DNAH5: variants seen among roughly 807,000 people sequenced by gnomAD.
DNAH5 encodes the protein dynein axonemal heavy chain 5.
In DNAH5, 372 loss-of-function variants were observed where a neutral mutation model predicts 518.2. The ratio of observed to expected loss-of-function variants is 0.72; its 90% CI spans 0.66 to 0.78. DNAH5 has a LOEUF of 0.78. DNAH5 is among the 30% of genes least tolerant of loss of function. The pLI is 0.00. For synonymous variants in DNAH5, 2,039 were observed against 2,025.9 expected (o/e 1.01, Z -0.17); for missense variants, 5,523 against 5,687.0 (o/e 0.97, Z 0.93).
intron 76 of DNAH5, among the ~76,000 whole-genome samples, chr5:13,701,879 G>A (rs1010358988): frequency 6.6e-6 from 1 of 152,100 alleles, no homozygotes; most frequent in African/African-American, 2.4e-5. Flanking sequence ...TATGCTCATG[G>A]CCTTATCAAG....
At chr5:13,753,933 G>A (rs561024615) in intron 62 of DNAH5, among the ~76,000 whole-genome samples, 14 of 152,190 alleles carry the variant, frequency 9.2e-5, no homozygotes, top group South Asian at 8.3e-4. Flanking sequence ...CATAAAGGTC[G>A]TTAACACATC....
chr5:13,807,672 T>C lies in DNAH5; in HGVS notation c.7806A>G (p.Gly2602=). ...QGTAKTVIIK[G]FMSKYDPECH... ...ATTCAGGATCATATTTTGACATAAA[T>C]CCTTTAATTATTACTGTTTTGGCTG... Residue 2602 remains glycine, a synonymous_variant, in exon 47 of 79, where the codon GGA becomes GGG. Transcript: ENST00000265104. The C allele has an allele frequency of 6.2e-7, 1 of 1,611,008 alleles. No homozygotes were observed. The highest frequency in any genetic ancestry group is 8.5e-7 in the Non-Finnish European group (1 of 1,177,946).
chr5:13,764,488 G>A (rs1218610467), intron 59 of DNAH5, among the ~76,000 whole-genome samples: 1 of 152,116 alleles, frequency 6.6e-6, no homozygotes, highest in Non-Finnish European at 1.5e-5. Context: ...CTATGAAAAG[G>A]TTGGGAAATG....
intron 1 of DNAH5, among the ~76,000 whole-genome samples, chr5:14,006,219 C>T (rs1271627199): frequency 6.6e-6 from 1 of 152,184 alleles, no homozygotes; most frequent in Non-Finnish European, 1.5e-5. Context: ...CAACCTTGAG[C>T]TTTAACCTCT....
chr5:13,776,450 G>A lies in DNAH5; in HGVS notation c.9362C>T (p.Ala3121Val). The A allele has an allele frequency of 1.2e-6, 2 of 1,613,692 alleles. No individual in the cohort carries two copies. Among genetic ancestry groups the A allele is most frequent in the Non-Finnish European group, 1.7e-6 (2 of 1,179,696 alleles). Residue 3121 changes from alanine to valine, a missense_variant, in exon 55 of 79, where the codon GCT (alanine) becomes GTT (valine). Physicochemically the swap from Ala to Val is moderately conservative, Grantham distance 64 (BLOSUM62 0). Around this residue, in one of 3 missense-constraint regions of DNAH5, gnomAD observed 5,121 missense variants for 5,223.3 expected, o/e 0.98. Transcript: ENST00000265104. The stretch of plus-strand genomic sequence containing the variant: ...ATTTCCATACTAACCAGCAACTAAA[G>A]CATCTTTGGGCCATCGGCTGAACCA... ...IDWFSRWPKD[A>V]LVAVSEHFLT...
chr5:13,758,447 A>G (rs974454345), intron 61 of DNAH5, among the ~76,000 whole-genome samples: 3 of 152,204 alleles, frequency 2.0e-5, no homozygotes, highest in Non-Finnish European at 4.4e-5. Context: ...GTGAGCCATG[A>G]TCATGCCATT....
In DNAH5 at chr5:13,817,566, T is replaced by C. The variant is rs143074036; in HGVS notation, c.6970A>G (p.Thr2324Ala). 7.2e-5 allele frequency: 117 copies of C among 1,614,166 alleles called. No homozygotes were observed. Among genetic ancestry groups the C allele is most frequent in the Non-Finnish European group, 9.3e-5 (110 of 1,180,010 alleles). ...DGIFSTLWRKTLRAKKGEHIW... is the reference protein window; with the variant it reads ...DGIFSTLWRKALRAKKGEHIW... ...CTTCTACCTTTCTTTGCTCTTAATG[T>C]TTTCCTCCAAAGCGTAGAAAATATC... is the stretch of plus-strand genomic sequence containing the variant. The change falls in exon 42 of 79, where the codon ACA becomes GCA. Residue 2324 changes from threonine (T) to alanine (A), a missense_variant. Transcript: ENST00000265104.
rs1263149862 is a variant in DNAH5, at chr5:13,901,463, G to A, written c.1841C>T (p.Pro614Leu). ...GGGAGGCTGGTTTCGAGCCAGAGGA[G>A]GATCGTATTTCTGCTTTGTATACAG... ...SKLYTKQKYD[P>L]PLARNQPPIA... is the part of the protein sequence containing the mutation. Residue 614 changes from proline to leucine, a missense_variant, in exon 14 of 79, where the codon CCT becomes CTT. Coordinates refer to ENST00000265104, the MANE Select transcript of DNAH5 (RefSeq NM_001369.3). The A allele has an allele frequency of 1.2e-6, 2 of 1,613,908 alleles. No individual in the cohort carries two copies. Among genetic ancestry groups the A allele is most frequent in the East Asian group, 2.2e-5 (1 of 44,862 alleles).
chr5:13,960,989 C>T (rs1240765760), intron 1 of DNAH5, among the ~76,000 whole-genome samples: 3 of 152,148 alleles, frequency 2.0e-5, no homozygotes, highest in African/African-American at 4.8e-5. Context: ...TCCTGAAAGC[C>T]TCTGAAATCT....
At chr5:13,862,792 G>A (rs1260840341) in intron 28 of DNAH5, 45 bp from the exon 29 acceptor site, 14 of 1,525,234 alleles carry the variant, frequency 9.2e-6, no homozygotes, top group Middle Eastern at 1.9e-4. Context: ...AAAGTCACAC[G>A]TCCTTCCTTA....
chr5:13,875,115 T>C (rs1770697915), intron 22 of DNAH5, among the ~76,000 whole-genome samples: 1 of 152,192 alleles, frequency 6.6e-6, no homozygotes, highest in Admixed American at 6.6e-5. Context: ...TTTCTACTAT[T>C]TTAAGGAAAA....
rs1740584043 is a variant in DNAH5, at chr5:13,690,367, T to G, written c.*1617A>C. On this transcript the variant is annotated 3_prime_UTR_variant, in exon 79 of 79. Transcript: ENST00000265104. ...TTTATTAATTCCTATGATGTTGACA[T>G]TTTCATTACTTGCTTTTCAAAATGA... 6.6e-6 allele frequency: 1 copy of G among 152,210 alleles called. No individual in the cohort carries two copies. Among genetic ancestry groups the G allele is most frequent in the South Asian group, 2.1e-4 (1 of 4,832 alleles). 9.4% of individuals were successfully genotyped at this position (152,210 alleles called of 1,614,324 possible).
rs771182248 is a variant in DNAH5 at position 13,841,069 on chromosome 5, G to C, written c.5546C>G (p.Ala1849Gly). 3 of 1,613,938 alleles carry C rather than the reference G, an allele frequency of 1.9e-6. No homozygotes were observed. In the African/African-American group the frequency reaches 4.0e-5, roughly 22 times the overall value. ...TRDSEEALRN[A>G]KFDKKIMQKT... is the part of the protein sequence containing the mutation. ...CTGCATGATTTTTTTATCAAACTTG[G>C]CATTTCTAAGGGCTTCTTCTGAATC... The change falls in exon 34 of 79, where the codon GCC becomes GGC. Residue 1849 changes from alanine (A) to glycine (G), a missense_variant. Physicochemically the swap from Ala to Gly is moderately conservative, Grantham distance 60 (BLOSUM62 0). This residue lies in a region of DNAH5 where 5,121 missense variants were observed against 5,223.3 expected (regional missense o/e 0.98). Coordinates refer to ENST00000265104, the MANE Select transcript of DNAH5 (RefSeq NM_001369.3).
chr5:13,896,915 C>T (rs6886752), intron 15 of DNAH5, among the ~76,000 whole-genome samples: 76,552 of 151,982 alleles, frequency 0.5, 19,425 homozygotes, highest in South Asian at 0.61. Flanking sequence ...GTTGGTTTTA[C>T]CTTGATAATA....
intron 1 of DNAH5, among the ~76,000 whole-genome samples, chr5:14,006,386 C>A: frequency 6.6e-6 from 1 of 152,166 alleles, no homozygotes; most frequent in East Asian, 1.9e-4. Flanking sequence ...TGCTTAAATA[C>A]CAGAAATTTG....
intron 1 of DNAH5, among the ~76,000 whole-genome samples, chr5:13,959,075 C>T (rs1184895028): frequency 4.6e-5 from 7 of 152,110 alleles, no homozygotes; most frequent in Non-Finnish European, 1.0e-4. Context: ...TCTCCTGCCT[C>T]AGCTAGAATT....
chr5:13,935,733 TG>T (rs1778864045), intron 1 of DNAH5, among the ~76,000 whole-genome samples: 1 of 152,208 alleles, frequency 6.6e-6, no homozygotes, highest in African/African-American at 2.4e-5. Context: ...GACCTAACCC[TG>T]CAGCTTTCTG....
intron 2 of DNAH5, among the ~76,000 whole-genome samples, chr5:13,929,017 G>A (rs954627035): frequency 3.3e-5 from 5 of 152,144 alleles, no homozygotes; most frequent in Admixed American, 6.5e-5. Context: ...AATTGAAAGC[G>A]GGCTCTCAAA....
intron 34 of DNAH5, 21 bp downstream of exon 34, chr5:13,840,885 C>T: frequency 6.2e-7 from 1 of 1,602,766 alleles, no homozygotes; most frequent in Non-Finnish European, 8.5e-7. Context: ...CTACATGCCA[C>T]AGCATTTATA....
Sources: allele counts gnomAD v4.1 joint callset (sites outside exome capture counted in the v4.1 genomes callset), GRCh38; gene constraint gnomAD v4.1.1; regional missense constraint gnomAD v4.1.1; transcripts MANE v1.5; gene names NCBI Gene and HGNC (gene_info 2026-07-23, HGNC 2026-07-21).